PTPDC1: variants seen among roughly 807,000 people sequenced by gnomAD.
PTPDC1 encodes the protein protein tyrosine phosphatase domain containing 1.
PTPDC1 carries 53 observed loss-of-function variants against 75.3 expected under a neutral mutation model. The ratio of observed to expected loss-of-function variants is 0.70; its 90% CI spans 0.56 to 0.88. The LOEUF (loss-of-function observed/expected upper bound fraction) is 0.88, where lower values mean the gene tolerates loss of function less well. PTPDC1 is among the 40% of genes least tolerant of loss of function. PTPDC1 has a pLI of 0.00. For missense variants in PTPDC1, 925 were observed against 998.6 expected (o/e 0.93, Z 0.99); for synonymous variants, 349 against 366.2 (o/e 0.95, Z 0.54).
intron 1 of PTPDC1, among the ~76,000 whole-genome samples, chr9:94,047,394 A>T (rs1825639659): frequency 6.6e-6 from 1 of 152,186 alleles, no homozygotes; most frequent in Admixed American, 6.5e-5. Flanking sequence ...AACATACCAG[A>T]ATCTCTGGGA....
At chr9:94,080,994 C>CT (rs61391032), upstream of PTPDC1, among the ~76,000 whole-genome samples, 759 of 117,854 alleles carry the variant, frequency 6.4e-3, 10 homozygotes, top group African/African-American at 0.016. Context: ...TTTTCTTTTT[C>CT]TTTTTTTTTT....
intron 4 of PTPDC1, among the ~76,000 whole-genome samples, chr9:94,094,943 C>G (rs982578014): frequency 6.6e-6 from 1 of 152,236 alleles, no homozygotes; most frequent in East Asian, 1.9e-4. Flanking sequence ...GGCTGAGGCA[C>G]GGTGCGTGCG....
At chr9:94,042,604 G>A (rs972722152) in intron 1 of PTPDC1, among the ~76,000 whole-genome samples, 1 of 152,214 alleles carries the variant, frequency 6.6e-6, no homozygotes, top group African/African-American at 2.4e-5. Flanking sequence ...ATCTGTTTTG[G>A]TTTAGGGTCT....
intron 1 of PTPDC1, among the ~76,000 whole-genome samples, chr9:94,059,379 G>A (rs562008083): frequency 5.9e-5 from 9 of 152,330 alleles, no homozygotes; most frequent in Admixed American, 2.0e-4. Flanking sequence ...AAAGTGGACA[G>A]TAGTGTAAGT....
chr9:94,072,596 T>C (rs1479062438), intron 2 of PTPDC1, among the ~76,000 whole-genome samples: 2 of 152,136 alleles, frequency 1.3e-5, no homozygotes, highest in African/African-American at 4.8e-5. Flanking sequence ...GAGCAGAGTC[T>C]TTGCCTTCTT....
At chr9:94,071,761 G>T (rs74428001) in intron 2 of PTPDC1, among the ~76,000 whole-genome samples, 11,524 of 152,138 alleles carry the variant, frequency 0.076, 586 homozygotes, top group East Asian at 0.14. Flanking sequence ...CTTTAAATAA[G>T]CTTATTTATG....
At chr9:94,077,095 G>A (rs1826720739) in intron 2 of PTPDC1, among the ~76,000 whole-genome samples, 1 of 152,084 alleles carries the variant, frequency 6.6e-6, no homozygotes, top group Non-Finnish European at 1.5e-5. Context: ...TATACTTAAG[G>A]CTGTGCAGTC....
At chr9:94,099,034 G>C (rs557379659) in intron 6 of PTPDC1, among the ~76,000 whole-genome samples, 1 of 152,206 alleles carries the variant, frequency 6.6e-6, no homozygotes, top group Non-Finnish European at 1.5e-5. Flanking sequence ...GAAGAGTGAG[G>C]CTGTCTCTTT....
chr9:94,042,250 T>C (rs1825447670), intron 1 of PTPDC1, among the ~76,000 whole-genome samples: 1 of 152,204 alleles, frequency 6.6e-6, no homozygotes, highest in Admixed American at 6.5e-5. Flanking sequence ...CAGGGTTTTT[T>C]GTTGTTGTTG....
intron 1 of PTPDC1, among the ~76,000 whole-genome samples, chr9:94,054,006 G>C (rs1445612765): frequency 6.6e-6 from 1 of 152,116 alleles, no homozygotes; most frequent in Non-Finnish European, 1.5e-5. Context: ...TGTTTATGCA[G>C]GTATACATCC....
At position 94,108,039 on chromosome 9, in the gene PTPDC1, A is replaced by G. The variant is rs1235084820; in HGVS notation, c.*95A>G. 5 of 543,058 alleles carry G rather than the reference A, an allele frequency of 9.2e-6. No individual in the cohort carries two copies. The East Asian group carries it at 1.0e-4, about 11-fold the overall frequency. The allele number at this position is 543,058 out of a possible 1,614,324, so 33.6% of individuals were successfully genotyped here. A position where few individuals can be genotyped will look rare whatever the true frequency, so the allele number is the denominator to read the frequency against. Reference sequence around the variant, plus strand: ...GAAGATTGTGGGGCTACTTTTTCTCATAGCACTTTATTTTGAATGTTGTTA... The same window carrying G: ...GAAGATTGTGGGGCTACTTTTTCTCGTAGCACTTTATTTTGAATGTTGTTA... On this transcript the variant is annotated 3_prime_UTR_variant, in exon 9 of 9. Coordinates refer to ENST00000620992, the MANE Select transcript of PTPDC1 (RefSeq NM_001253829.2).
At chr9:94,106,888 A>T (rs1162270377) in intron 8 of PTPDC1, among the ~76,000 whole-genome samples, 1 of 152,168 alleles carries the variant, frequency 6.6e-6, no homozygotes, top group African/African-American at 2.4e-5. Context: ...ATATGTGTAA[A>T]TAGTGCGCTC....
chr9:94,066,346 G>C (rs540313102), intron 2 of PTPDC1, among the ~76,000 whole-genome samples: 110 of 152,138 alleles, frequency 7.2e-4, no homozygotes, highest in African/African-American at 2.6e-3. Flanking sequence ...TTTTATTAAA[G>C]CATATCTCAT....
At chr9:94,079,752 C>T (rs1299284043), upstream of PTPDC1, among the ~76,000 whole-genome samples, 1 of 152,242 alleles carries the variant, frequency 6.6e-6, no homozygotes, top group African/African-American at 2.4e-5. Context: ...TGGCTGAAGT[C>T]TACTAGCCAT....
chr9:94,034,717 T>C (rs2118376584), intron 1 of PTPDC1, among the ~76,000 whole-genome samples: 1 of 152,336 alleles, frequency 6.6e-6, no homozygotes, highest in African/African-American at 2.4e-5. Flanking sequence ...TATGATGTCA[T>C]TTTTCTTAGA....
At chr9:94,075,966 GC>G (rs2117928289) in intron 2 of PTPDC1, among the ~76,000 whole-genome samples, 3 of 152,064 alleles carry the variant, frequency 2.0e-5, no homozygotes, top group African/African-American at 7.2e-5. Context: ...GAAACCTTGT[GC>G]TTTTTTGTTT....
rs562871556 is a variant in PTPDC1 at position 94,101,582 on chromosome 9, G to A, written c.2030G>A (p.Arg677Gln). The A allele has an allele frequency of 5.1e-5, 82 of 1,612,310 alleles. No homozygotes were observed. The East Asian group carries it at 1.5e-3, about 29-fold the overall frequency. Residue 677 changes from arginine (R) to glutamine (Q), a missense_variant, in exon 7 of 9, where the codon CGA becomes CAA. By Grantham distance (43) the Arg-to-Gln change is conservative. Transcript: ENST00000620992. Reference protein sequence around the residue: ...VEMWQKELNSRDGAWERICGE... With the variant: ...VEMWQKELNSQDGAWERICGE... ...CCTTTTTAGAAAGAGCTTAATTCCC[G>A]AGATGGAGCTTGGGAAAGAATATGT...
chr9:94,069,254 T>C (rs1826427524), intron 2 of PTPDC1, among the ~76,000 whole-genome samples: 1 of 152,190 alleles, frequency 6.6e-6, no homozygotes, highest in African/African-American at 2.4e-5. Context: ...TCATCCCTCC[T>C]TGTACACAGG....
chr9:94,031,781 G>A (rs180724270), intron 1 of PTPDC1, among the ~76,000 whole-genome samples: 1 of 152,304 alleles, frequency 6.6e-6, no homozygotes, highest in East Asian at 1.9e-4. Flanking sequence ...CGTCTCCTGG[G>A]AGGAGAGGGG....
Sources: allele counts gnomAD v4.1 joint callset (sites outside exome capture counted in the v4.1 genomes callset), GRCh38; gene constraint gnomAD v4.1.1; transcripts MANE v1.5; gene names NCBI Gene and HGNC (gene_info 2026-07-23, HGNC 2026-07-21).